The following KCNH7 variants were observed in gnomAD, a reference collection of about 807,000 sequenced individuals.
The protein encoded by KCNH7 is potassium voltage-gated channel subfamily H member 7.
Under a neutral mutation model 120.8 loss-of-function variants are expected in KCNH7, and 49 were observed. That is an observed-to-expected ratio of 0.41 (90% CI 0.32 to 0.51). The LOEUF (loss-of-function observed/expected upper bound fraction) is 0.51, where lower values mean the gene tolerates loss of function less well. KCNH7 is among the 20% of genes least tolerant of loss of function. The pLI, the probability that KCNH7 is intolerant of heterozygous loss-of-function variation, is 0.38. For missense variants in KCNH7, 1,097 were observed against 1,446.6 expected (o/e 0.76, Z 3.92); for synonymous variants, 547 against 516.1 (o/e 1.06, Z -0.81).
chr2:162,524,119 T>C (rs1029787750), intron 3 of KCNH7, among the ~76,000 whole-genome samples: 3 of 151,966 alleles, frequency 2.0e-5, no homozygotes, highest in Admixed American at 2.0e-4. Flanking sequence ...AAAAGGCTTA[T>C]TGAGGGAGTA....
At chr2:162,710,713 T>C (rs576642035) in intron 2 of KCNH7, among the ~76,000 whole-genome samples, 17 of 152,298 alleles carry the variant, frequency 1.1e-4, no homozygotes, top group African/African-American at 3.8e-4. Flanking sequence ...CCAGGGAACA[T>C]TGGCCAGAGC....
intron 2 of KCNH7, among the ~76,000 whole-genome samples, chr2:162,787,801 A>T (rs1683767322): frequency 6.6e-6 from 1 of 152,078 alleles, no homozygotes; most frequent in African/African-American, 2.4e-5. Context: ...CCACAGACTC[A>T]CAGGCTCCAG....
At chr2:162,554,148 T>G (rs375913744) in intron 2 of KCNH7, among the ~76,000 whole-genome samples, 151 of 152,316 alleles carry the variant, frequency 9.9e-4, no homozygotes, top group African/African-American at 3.5e-3. Flanking sequence ...CCATTCATCA[T>G]CTCACAAATA....
chr2:162,676,464 C>A (rs1177233803), intron 2 of KCNH7, among the ~76,000 whole-genome samples: 1 of 151,352 alleles, frequency 6.6e-6, no homozygotes, highest in Non-Finnish European at 1.5e-5. Context: ...CTTAGGGAAC[C>A]AATCAAGAGA....
At chr2:162,479,657 TTGTG>T (rs112491045) in intron 6 of KCNH7, among the ~76,000 whole-genome samples, 1 of 146,624 alleles carries the variant, frequency 6.8e-6, no homozygotes, top group Non-Finnish European at 1.5e-5. Flanking sequence ...CATTAGGAAA[TTGTG>T]TGTGTGTGTG....
At chr2:162,577,280 T>C (rs1239294970) in intron 2 of KCNH7, among the ~76,000 whole-genome samples, 1 of 138,708 alleles carries the variant, frequency 7.2e-6, no homozygotes, top group Non-Finnish European at 1.6e-5. Flanking sequence ...CATTAACAGA[T>C]AGATCTATCT....
At chr2:162,598,473 C>T (rs1164339706) in intron 2 of KCNH7, among the ~76,000 whole-genome samples, 1 of 151,990 alleles carries the variant, frequency 6.6e-6, no homozygotes, top group Non-Finnish European at 1.5e-5. Context: ...AAAATCCCTT[C>T]TAGGTATTTA....
At chr2:162,420,200 A>G (rs1687657697) in intron 9 of KCNH7, among the ~76,000 whole-genome samples, 1 of 152,072 alleles carries the variant, frequency 6.6e-6, no homozygotes, top group Admixed American at 6.6e-5. Context: ...ACATGGTGAA[A>G]GCCTATCTCT....
intron 2 of KCNH7, among the ~76,000 whole-genome samples, chr2:162,822,164 T>A (rs1685143816): frequency 7.9e-6 from 1 of 127,286 alleles, no homozygotes. Flanking sequence ...TGACCTATGA[T>A]GTAAAAATTT....
intron 2 of KCNH7, among the ~76,000 whole-genome samples, chr2:162,752,732 C>G (rs558383058): frequency 2.6e-4 from 39 of 151,108 alleles, no homozygotes; most frequent in Non-Finnish European, 4.9e-4. Context: ...AACCCCATCT[C>G]TACTAAAATG....
intron 2 of KCNH7, among the ~76,000 whole-genome samples, chr2:162,625,239 C>T (rs1327620932): frequency 6.6e-6 from 1 of 152,054 alleles, no homozygotes. Context: ...CAAATCATGG[C>T]TCTGTTACTT....
intron 2 of KCNH7, among the ~76,000 whole-genome samples, chr2:162,671,337 A>G (rs1187374624): frequency 6.6e-6 from 1 of 152,060 alleles, no homozygotes; most frequent in African/African-American, 2.4e-5. Flanking sequence ...TGGATGAAAA[A>G]TGTGGACTAT....
chr2:162,419,702 C>T (rs1464846840), intron 9 of KCNH7, among the ~76,000 whole-genome samples: 2 of 152,154 alleles, frequency 1.3e-5, no homozygotes, highest in African/African-American at 2.4e-5. Flanking sequence ...GGAGTAGCCT[C>T]TGCCCTAAAT....
chr2:162,679,364 A>C (rs996885686), intron 2 of KCNH7, among the ~76,000 whole-genome samples: 2 of 151,652 alleles, frequency 1.3e-5, no homozygotes, highest in Non-Finnish European at 3.0e-5. Context: ...TGTATTTAAT[A>C]ATAGAGTAGA....
chr2:162,718,353 G>C (rs1451672792), intron 2 of KCNH7, among the ~76,000 whole-genome samples: 1 of 151,824 alleles, frequency 6.6e-6, no homozygotes, highest in Non-Finnish European at 1.5e-5. Flanking sequence ...GTCTAAACAT[G>C]TTTCTTGCAA....
intron 2 of KCNH7, among the ~76,000 whole-genome samples, chr2:162,724,883 GA>G (rs1687463342): frequency 6.6e-6 from 1 of 152,142 alleles, no homozygotes; most frequent in Non-Finnish European, 1.5e-5. Context: ...TGCATCAAAG[GA>G]AAAGGTTACT....
At chr2:162,442,006 T>C (rs1346269210) in intron 7 of KCNH7, among the ~76,000 whole-genome samples, 19 of 89,656 alleles carry the variant, frequency 2.1e-4, no homozygotes, top group East Asian at 1.8e-3. Context: ...CTTCTTTTTT[T>C]TTTTTTTTTT....
chr2:162,442,958 A>T (rs1243613103), intron 7 of KCNH7, among the ~76,000 whole-genome samples: 1 of 152,188 alleles, frequency 6.6e-6, no homozygotes, highest in East Asian at 1.9e-4. Flanking sequence ...GTACTTATGC[A>T]TTTACTGTGT....
intron 2 of KCNH7, among the ~76,000 whole-genome samples, chr2:162,589,008 A>T (rs1052936988): frequency 1.3e-5 from 2 of 152,052 alleles, no homozygotes; most frequent in Non-Finnish European, 2.9e-5. Flanking sequence ...TCCCAACCAC[A>T]TTTTCATGAG....
Sources: gnomAD v4.1 joint callset for allele counts (sites outside exome capture counted in the v4.1 genomes callset) on GRCh38, gnomAD v4.1.1 for gene constraint, MANE v1.5 for transcripts, NCBI Gene and HGNC (gene_info 2026-07-23, HGNC 2026-07-21) for gene names.